The following EXT1 variants were observed in gnomAD, a reference collection of about 807,000 sequenced individuals.
EXT1 encodes the protein exostosin glycosyltransferase 1, also known as exostosin-1.
Under a neutral mutation model 82.5 loss-of-function variants are expected in EXT1, and 20 were observed. The ratio of observed to expected loss-of-function variants is 0.24; its 90% confidence interval spans 0.17 to 0.35. The LOEUF (loss-of-function observed/expected upper bound fraction) is 0.35, where lower values mean the gene tolerates loss of function less well. Ranked by LOEUF, EXT1 falls within the 10% of genes least tolerant of loss-of-function variation. The pLI, the probability that EXT1 is intolerant of heterozygous loss-of-function variation, is 1.00. For synonymous variants in EXT1, 348 were observed against 350.8 expected (o/e 0.99, Z 0.09); for missense variants, 757 against 936.5 (o/e 0.81, Z 2.50).
At chr8:117,985,131 C>T (rs1311871548) in intron 1 of EXT1, among the ~76,000 whole-genome samples, 2 of 152,100 alleles carry the variant, frequency 1.3e-5, no homozygotes, top group African/African-American at 4.8e-5. Context: ...TTTTGAACAC[C>T]GAACCGCTAA....
intron 1 of EXT1, among the ~76,000 whole-genome samples, chr8:117,940,932 C>T (rs1370308847): frequency 6.6e-6 from 1 of 152,164 alleles, no homozygotes; most frequent in African/African-American, 2.4e-5. Flanking sequence ...CAGTTAGTTA[C>T]TGACTGATAT....
intron 1 of EXT1, among the ~76,000 whole-genome samples, chr8:117,859,806 A>G (rs530111877): frequency 1.1e-4 from 16 of 152,330 alleles, no homozygotes; most frequent in African/African-American, 3.8e-4. Context: ...AAATGGTGGT[A>G]TGTATGTATA....
intron 8 of EXT1, among the ~76,000 whole-genome samples, chr8:117,808,627 T>G (rs1196410520): frequency 6.6e-6 from 1 of 152,176 alleles, no homozygotes; most frequent in African/African-American, 2.4e-5. Flanking sequence ...TCGCAAATAT[T>G]TTGAGTCCTG....
intron 1 of EXT1, among the ~76,000 whole-genome samples, chr8:117,956,600 A>G (rs1235982944): frequency 6.6e-6 from 1 of 151,790 alleles, no homozygotes; most frequent in Non-Finnish European, 1.5e-5. Context: ...GCATCACCAT[A>G]CCTGGCTAAT....
chr8:117,946,420 G>C (rs553678445), intron 1 of EXT1, among the ~76,000 whole-genome samples: 3 of 152,296 alleles, frequency 2.0e-5, no homozygotes, highest in African/African-American at 7.2e-5. Context: ...AAAGCACTTA[G>C]TGCACAGTAA....
chr8:117,845,903 GAAGTA>G (rs1486781840), intron 1 of EXT1, among the ~76,000 whole-genome samples: 1 of 152,196 alleles, frequency 6.6e-6, no homozygotes, highest in Non-Finnish European at 1.5e-5. Flanking sequence ...TACAGATGAT[GAAGTA>G]AAGTGTCACA....
intron 1 of EXT1, among the ~76,000 whole-genome samples, chr8:118,060,378 T>C (rs1192086610): frequency 6.6e-6 from 1 of 152,176 alleles, no homozygotes; most frequent in East Asian, 1.9e-4. Context: ...AGATTTTCCC[T>C]AAAATTCCAC....
chr8:117,870,137 AGAT>A (rs1812843997), intron 1 of EXT1, among the ~76,000 whole-genome samples: 1 of 152,244 alleles, frequency 6.6e-6, no homozygotes, highest in African/African-American at 2.4e-5. Context: ...CTTCATCTAA[AGAT>A]GACCAAACTA....
At chr8:117,942,938 T>C (rs1209429732) in intron 1 of EXT1, among the ~76,000 whole-genome samples, 5 of 152,172 alleles carry the variant, frequency 3.3e-5, no homozygotes, top group East Asian at 1.9e-4. Context: ...CTTGGACCCA[T>C]AGATTATTGG....
intron 1 of EXT1, among the ~76,000 whole-genome samples, chr8:118,085,770 T>C (rs1051043415): frequency 6.6e-6 from 1 of 152,174 alleles, no homozygotes; most frequent in African/African-American, 2.4e-5. Context: ...GTACCTGTTT[T>C]GTTGCAGAGC....
chr8:117,941,307 C>T (rs768120253), intron 1 of EXT1, among the ~76,000 whole-genome samples: 2 of 152,194 alleles, frequency 1.3e-5, no homozygotes, highest in Non-Finnish European at 2.9e-5. Flanking sequence ...AGGAAATACA[C>T]AGCCACTGGA....
chr8:117,840,881 A>G (rs762214888), intron 1 of EXT1, among the ~76,000 whole-genome samples: 1 of 152,220 alleles, frequency 6.6e-6, no homozygotes, highest in Non-Finnish European at 1.5e-5. Context: ...CTTTACACCC[A>G]CTGGGATGGC....
At chr8:117,887,676 G>A (rs1393063704) in intron 1 of EXT1, among the ~76,000 whole-genome samples, 1 of 107,744 alleles carries the variant, frequency 9.3e-6, no homozygotes, top group African/African-American at 3.2e-5. Context: ...CTATTCATTA[G>A]TTTCTCTCTT....
chr8:117,985,857 A>C (rs1815306220), intron 1 of EXT1, among the ~76,000 whole-genome samples: 1 of 152,260 alleles, frequency 6.6e-6, no homozygotes, highest in Admixed American at 6.5e-5. Context: ...CTGAAATGTT[A>C]AAGTGACTCA....
chr8:118,026,468 G>A (rs1021876487), intron 1 of EXT1, among the ~76,000 whole-genome samples: 1 of 151,808 alleles, frequency 6.6e-6, no homozygotes, highest in African/African-American at 2.4e-5. Context: ...TTGGTTATAG[G>A]TCAATATAAA....
rs768576809 is a variant in EXT1, at chr8:118,022,022, T to C, written c.962+88063A>G. On this transcript the variant is annotated intron_variant, in intron 1 of 10. Coordinates refer to ENST00000378204, the MANE Select transcript of EXT1 (RefSeq NM_000127.3). ...CAAATCTGCACTATCCTATTAATCA[T>C]TTCTGTTGCCCTGATCAACCTATTT... Among the ~76,000 whole-genome samples the C allele has an allele frequency of 6.5e-4, 99 of 152,168 alleles. 1 individual carries two copies. Among genetic ancestry groups the C allele is most frequent in the Non-Finnish European group, 2.6e-4 (18 of 68,032 alleles).
rs184219646 is a variant in EXT1 at position 118,099,998 on chromosome 8, G to A, written c.962+10087C>T. On this transcript the variant is annotated intron_variant, in intron 1 of 10. Transcript: ENST00000378204. ...CCAAGTAAATCAAGAGTGGCAACATGACAGGGCAGTCGTTTCACTGACCAG... is the reference window on the plus strand; with the variant it reads ...CCAAGTAAATCAAGAGTGGCAACATAACAGGGCAGTCGTTTCACTGACCAG... Among the ~76,000 whole-genome samples, 153 of 152,276 alleles carry A rather than the reference G, an allele frequency of 1.0e-3. 1 individual carries two copies. The highest frequency in any genetic ancestry group is 3.4e-3 in the Middle Eastern group (1 of 294).
At chr8:117,979,376 AAAC>A (rs199892740) in intron 1 of EXT1, among the ~76,000 whole-genome samples, 38,278 of 144,262 alleles carry the variant, frequency 0.27, 5,058 homozygotes, top group Middle Eastern at 0.36. Context: ...ACAAACAAAC[AAAC>A]AAAAAAACAA....
intron 1 of EXT1, among the ~76,000 whole-genome samples, chr8:117,990,441 G>A (rs993384808): frequency 2.6e-5 from 4 of 152,198 alleles, no homozygotes; most frequent in Admixed American, 6.5e-5. Context: ...CAGCTGAAGC[G>A]ATATCTCGAC....
Sources: allele counts gnomAD v4.1 joint callset (sites outside exome capture counted in the v4.1 genomes callset), GRCh38; gene constraint gnomAD v4.1.1; transcripts MANE v1.5; gene names NCBI Gene and HGNC (gene_info 2026-07-23, HGNC 2026-07-21).